MAN2A1: variants seen among roughly 807,000 people sequenced by gnomAD.
MAN2A1 encodes the protein alpha-mannosidase 2.
In MAN2A1, 76 loss-of-function variants were observed where a neutral mutation model predicts 142.6. The observed-to-expected ratio is 0.53, with a 90% CI of 0.44 to 0.65. The LOEUF is 0.65. MAN2A1 is among the 30% of genes least tolerant of loss of function. The probability of loss-of-function intolerance (pLI) is 0.00; values close to 1 mark genes in which losing one functional copy is unlikely to be tolerated. For missense variants in MAN2A1, 1,311 were observed against 1,365.1 expected (o/e 0.96, Z 0.62); for synonymous variants, 559 against 473.2 (o/e 1.18, Z -2.35).
chr5:109,815,187 C>A (rs1754420828), intron 12 of MAN2A1, among the ~76,000 whole-genome samples: 1 of 152,100 alleles, frequency 6.6e-6, no homozygotes, highest in South Asian at 2.1e-4. Context: ...CTGGCCGTTG[C>A]AGTTAGCCAG....
intron 4 of MAN2A1, among the ~76,000 whole-genome samples, chr5:109,743,011 T>C (rs4957577): frequency 0.74 from 113,050 of 152,124 alleles, 43,195 homozygotes; most frequent in East Asian, 0.94. Flanking sequence ...TCAGGTGCTC[T>C]GCCCATCCCT....
Position 109,845,912 on chromosome 5 carries a change from C to T in MAN2A1, c.2748C>T (p.Val916=). The change falls in exon 18 of 22, where the codon GTC becomes GTT. Residue 916 remains valine, a synonymous_variant. Transcript: ENST00000261483. ...GCAAATTGCCTCTTCAAGCAAATGT[C>T]TATCCCATGACCACAATGGCCTATA... ...TLSKLPLQAN[V]YPMTTMAYIQ... 3 of 1,613,708 alleles carry T rather than the reference C, an allele frequency of 1.9e-6. No homozygotes were observed. The highest frequency in any genetic ancestry group is 1.1e-5 in the South Asian group (1 of 91,052).
intron 4 of MAN2A1, among the ~76,000 whole-genome samples, chr5:109,746,324 T>C (rs1388477968): frequency 1.3e-5 from 2 of 152,138 alleles, no homozygotes; most frequent in Non-Finnish European, 2.9e-5. Context: ...ATAGCATTTA[T>C]AGTTCAGAAA....
chr5:109,803,090 A>C (rs1754073468), intron 12 of MAN2A1, among the ~76,000 whole-genome samples: 1 of 152,052 alleles, frequency 6.6e-6, no homozygotes, highest in Non-Finnish European at 1.5e-5. Flanking sequence ...AGGATTTTAA[A>C]TCATTCTTTT....
In MAN2A1 at chr5:109,799,154, A is replaced by G. The variant is rs114194663; in HGVS notation, c.1943+9627A>G. On this transcript the variant is annotated intron_variant, in intron 12 of 21. Coordinates refer to ENST00000261483, the MANE Select transcript of MAN2A1 (RefSeq NM_002372.4). The stretch of plus-strand genomic sequence containing the variant: ...GGCGGAGTTTAATACGGTTATGTGT[A>G]TGAACTTCATAGTATGGGACCTAGC... 4.5e-3 allele frequency among the ~76,000 whole-genome samples: 686 copies of G among 152,302 alleles called. 4 individuals carry two copies. The highest frequency in any genetic ancestry group is 0.016 in the African/African-American group (647 of 41,574).
chr5:109,805,367 T>G (rs1385231825), intron 12 of MAN2A1, among the ~76,000 whole-genome samples: 1 of 152,254 alleles, frequency 6.6e-6, no homozygotes, highest in African/African-American at 2.4e-5. Flanking sequence ...ACATATTTAT[T>G]CTGCTTCGGT....
intron 5 of MAN2A1, 140 bp from the exon 6 acceptor site, chr5:109,767,395 G>T (rs1199116518): frequency 6.9e-6 from 4 of 583,416 alleles, no homozygotes. Flanking sequence ...GGGAATACTT[G>T]GCAGAGGATA....
At chr5:109,798,236 G>C (rs555570686) in intron 12 of MAN2A1, among the ~76,000 whole-genome samples, 6 of 152,320 alleles carry the variant, frequency 3.9e-5, no homozygotes, top group African/African-American at 1.4e-4. Flanking sequence ...GCATATAGGA[G>C]ATCCTAAATA....
intron 12 of MAN2A1, among the ~76,000 whole-genome samples, chr5:109,792,522 ACTT>A (rs1222569337): frequency 3.3e-5 from 5 of 152,110 alleles, no homozygotes; most frequent in Non-Finnish European, 7.4e-5. Flanking sequence ...TTCTCTAGGT[ACTT>A]CTTCTTACCT....
chr5:109,714,669 G>A (rs185035614), intron 2 of MAN2A1, among the ~76,000 whole-genome samples: 1 of 152,136 alleles, frequency 6.6e-6, no homozygotes, highest in Non-Finnish European at 1.5e-5. Flanking sequence ...GATCCTAAGG[G>A]GTAAATATTT....
At chr5:109,801,404 T>G (rs369825738) in intron 12 of MAN2A1, among the ~76,000 whole-genome samples, 1 of 152,196 alleles carries the variant, frequency 6.6e-6, no homozygotes, top group Admixed American at 6.5e-5. Flanking sequence ...TAATTACATG[T>G]CATTGTCCAG....
chr5:109,771,995 G>A (rs1394034453), intron 7 of MAN2A1, among the ~76,000 whole-genome samples: 1 of 152,192 alleles, frequency 6.6e-6, no homozygotes, highest in Non-Finnish European at 1.5e-5. Flanking sequence ...TGCCCCTCAG[G>A]ATGATACCTT....
intron 3 of MAN2A1, among the ~76,000 whole-genome samples, chr5:109,720,630 T>G (rs1751574772): frequency 6.6e-6 from 1 of 152,152 alleles, no homozygotes; most frequent in African/African-American, 2.4e-5. Flanking sequence ...GAAGAAAAAT[T>G]GTCTTGGGCC....
rs1462438388 is a variant in MAN2A1, at chr5:109,804,679, A to AT, written c.1944-12588dup. Among the ~76,000 whole-genome samples the AT allele has an allele frequency of 1.2e-4, 19 of 152,148 alleles. No homozygotes were observed. In the East Asian group the frequency reaches 3.3e-3, roughly 26 times the overall value. ...GTGGTTTGTGTTTTATTGTTTTCAT[A>AT]TTTTTTACCAGTCATATGATGGCTT... is the stretch of plus-strand genomic sequence containing the variant. On this transcript the variant is annotated intron_variant, in intron 12 of 21. Coordinates refer to ENST00000261483, the MANE Select transcript of MAN2A1 (RefSeq NM_002372.4).
At chr5:109,743,528 G>T (rs1041329901) in intron 4 of MAN2A1, among the ~76,000 whole-genome samples, 4 of 152,172 alleles carry the variant, frequency 2.6e-5, no homozygotes, top group African/African-American at 9.6e-5. Context: ...CCCAAGCCAG[G>T]CAGTCTTGCC....
At chr5:109,735,025 C>T (rs1291911384) in intron 4 of MAN2A1, among the ~76,000 whole-genome samples, 3 of 152,174 alleles carry the variant, frequency 2.0e-5, no homozygotes, top group African/African-American at 7.2e-5. Flanking sequence ...TTATAGGTCA[C>T]TCATGACTTG....
In MAN2A1 at chr5:109,838,490, G is replaced by T. The variant is rs556117161; in HGVS notation, c.2567-3838G>T. Among the ~76,000 whole-genome samples the T allele has an allele frequency of 1.2e-4, 18 of 152,204 alleles. No individual in the cohort carries two copies. In the East Asian group the frequency reaches 3.5e-3, roughly 29 times the overall value. On this transcript the variant is annotated intron_variant, in intron 16 of 21. Transcript: ENST00000261483. The stretch of plus-strand genomic sequence containing the variant: ...GTAAAACAGACCACTGGATACTGCT[G>T]GTTTGCATTCCTGCTTCCTGGGAAG...
chr5:109,690,502 G>A lies in MAN2A1; in HGVS notation c.85G>A (p.Gly29Ser), dbSNP rs1464296917. Residue 29 changes from glycine (G) to serine (S), a missense_variant, in exon 1 of 22, where the codon GGT becomes AGT. Physicochemically the swap from Gly to Ser is moderately conservative, Grantham distance 56. Around this residue, in one of 3 missense-constraint regions of MAN2A1, gnomAD observed 409 missense variants for 412.7 expected, o/e 0.99. Transcript: ENST00000261483. ...IFSLYLMLDR[G>S]HLDYPRNPRR... ...CTCGCTCTACCTGATGCTGGACCGG[G>A]GTCACTTAGACTACCCCAGGAACCC... 3 of 1,613,584 alleles carry A rather than the reference G, an allele frequency of 1.9e-6. No homozygotes were observed. Among genetic ancestry groups the A allele is most frequent in the Admixed American group, 3.3e-5 (2 of 59,960 alleles).
intron 10 of MAN2A1, among the ~76,000 whole-genome samples, chr5:109,787,395 T>C (rs564575378): frequency 6.6e-6 from 1 of 152,094 alleles, no homozygotes; most frequent in Non-Finnish European, 1.5e-5. Flanking sequence ...TCCGTATTAA[T>C]AGGATAAGTG....
Sources: gnomAD v4.1 joint callset for allele counts (sites outside exome capture counted in the v4.1 genomes callset) on GRCh38, gnomAD v4.1.1 for gene constraint, gnomAD v4.1.1 regional missense constraint, MANE v1.5 for transcripts, NCBI Gene and HGNC (gene_info 2026-07-23, HGNC 2026-07-21) for gene names.